Variants in ADGRL3 observed in about 807,000 individuals in gnomAD.
ADGRL3 encodes the protein adhesion G protein-coupled receptor L3, also known as calcium-independent alpha-latrotoxin receptor 3.
ADGRL3 carries 62 observed loss-of-function variants against 153.5 expected under a neutral mutation model. The ratio of observed to expected loss-of-function variants is 0.40; its 90% CI spans 0.33 to 0.50. The LOEUF is 0.50. Among genes scored for constraint, ADGRL3 ranks in the 20% least tolerant of loss-of-function variants. The probability of loss-of-function intolerance (pLI) is 0.47; values close to 1 mark genes in which losing one functional copy is unlikely to be tolerated. For missense variants in ADGRL3, 1,641 were observed against 1,859.4 expected (o/e 0.88, Z 2.16); for synonymous variants, 710 against 672.5 (o/e 1.06, Z -0.86).
intron 17 of ADGRL3, among the ~76,000 whole-genome samples, chr4:61,962,738 A>C (rs1379724174): frequency 6.6e-6 from 1 of 152,302 alleles, no homozygotes; most frequent in Admixed American, 6.5e-5. Context: ...AAAAAGTTAC[A>C]TTGTACAGAA....
At chr4:61,711,461 TATATA>T (rs2095983543) in intron 6 of ADGRL3, among the ~76,000 whole-genome samples, 6 of 70,118 alleles carry the variant, frequency 8.6e-5, no homozygotes, top group Admixed American at 2.7e-4. Flanking sequence ...TGCTTCATTA[TATATA>T]TATATATATA....
intron 21 of ADGRL3, among the ~76,000 whole-genome samples, chr4:62,005,936 A>G (rs2099155768): frequency 7.2e-6 from 1 of 139,034 alleles, no homozygotes; most frequent in Non-Finnish European, 1.5e-5. Context: ...TTTTTATTTT[A>G]TTTATATATA....
In ADGRL3 at chr4:61,200,674, C is replaced by A. The variant is rs1734374949; in HGVS notation, c.-1331C>A. Among the ~76,000 whole-genome samples, 1 of 152,014 alleles carries A rather than the reference C, an allele frequency of 6.6e-6. No homozygotes were observed. Among genetic ancestry groups the A allele is most frequent in the South Asian group, 2.1e-4 (1 of 4,820 alleles). The stretch of plus-strand genomic sequence containing the variant: ...CGGGTGTGCGCGCGCGCGGGTTGCA[C>A]GGTTTGCTTTGGCAGGAGCTCGCTC... On this transcript the variant is annotated 5_prime_UTR_variant, in exon 1 of 27. Coordinates refer to ENST00000683033, the MANE Select transcript of ADGRL3 (RefSeq NM_001387552.1).
chr4:61,740,021 A>G (rs2096564449), intron 8 of ADGRL3, among the ~76,000 whole-genome samples: 1 of 152,176 alleles, frequency 6.6e-6, no homozygotes. Flanking sequence ...TTGAAAATAC[A>G]TTTTGTCTAA....
chr4:61,755,533 G>A (rs1275508310), intron 8 of ADGRL3, among the ~76,000 whole-genome samples: 1 of 152,108 alleles, frequency 6.6e-6, no homozygotes, highest in Non-Finnish European at 1.5e-5. Flanking sequence ...TTTGTCAGAT[G>A]AGTAGATTGC....
rs188154086 is a variant in ADGRL3, at chr4:61,550,970, C to T, written c.259+33452C>T. On this transcript the variant is annotated intron_variant, in intron 4 of 26. Coordinates refer to ENST00000683033, the MANE Select transcript of ADGRL3 (RefSeq NM_001387552.1). ...TAAGTTAAGCTGGCCACAGGGCCCG[C>T]CTTACTGTTCTCTGTCAGCTTGTAT... 2.6e-4 allele frequency among the ~76,000 whole-genome samples: 40 copies of T among 152,178 alleles called. No homozygotes were observed. In the East Asian group the frequency reaches 7.3e-3, roughly 28 times the overall value.
At chr4:61,967,403 TA>T (rs2099010910) in intron 17 of ADGRL3, among the ~76,000 whole-genome samples, 1 of 152,146 alleles carries the variant, frequency 6.6e-6, no homozygotes, top group Non-Finnish European at 1.5e-5. Flanking sequence ...CAGTCAAAAG[TA>T]AAATTTACTT....
chr4:61,434,076 G>C (rs537181114), intron 2 of ADGRL3, among the ~76,000 whole-genome samples: 1 of 152,154 alleles, frequency 6.6e-6, no homozygotes, highest in East Asian at 1.9e-4. Context: ...TCCTTCACTG[G>C]AATGTAAAAT....
intron 6 of ADGRL3, among the ~76,000 whole-genome samples, chr4:61,682,157 A>C (rs2095350374): frequency 6.6e-6 from 1 of 152,104 alleles, no homozygotes; most frequent in East Asian, 1.9e-4. Flanking sequence ...GCAATCCTCA[A>C]GAATGATACC....
At chr4:61,312,948 T>A (rs1248403550) in intron 1 of ADGRL3, among the ~76,000 whole-genome samples, 1 of 152,188 alleles carries the variant, frequency 6.6e-6, no homozygotes, top group Non-Finnish European at 1.5e-5. Flanking sequence ...TCATTCTTAA[T>A]TGCCAAAACT....
At chr4:62,023,037 GAA>G (rs2099245343) in intron 21 of ADGRL3, among the ~76,000 whole-genome samples, 1 of 4,166 alleles carries the variant, frequency 2.4e-4, no homozygotes, top group African/African-American at 2.8e-4. Flanking sequence ...AAACTAAATT[GAA>G]AATTGAAAAC....
At chr4:61,273,289 C>T (rs1043872348) in intron 1 of ADGRL3, among the ~76,000 whole-genome samples, 6 of 152,164 alleles carry the variant, frequency 3.9e-5, no homozygotes, top group South Asian at 2.1e-4. Context: ...TCCCTAAGTA[C>T]GGTATTTGAA....
chr4:61,921,813 C>G (rs1190195411), intron 13 of ADGRL3, among the ~76,000 whole-genome samples: 2 of 152,148 alleles, frequency 1.3e-5, no homozygotes, highest in African/African-American at 4.8e-5. Flanking sequence ...CAGTGTTGTT[C>G]TCCTTGCTTA....
chr4:61,299,671 T>A (rs1178741160), intron 1 of ADGRL3, among the ~76,000 whole-genome samples: 1 of 152,204 alleles, frequency 6.6e-6, no homozygotes, highest in East Asian at 1.9e-4. Context: ...AAGACGTTTA[T>A]GTCACATGAC....
chr4:61,646,661 GAAC>G (rs1271047983), intron 5 of ADGRL3, among the ~76,000 whole-genome samples: 1 of 152,056 alleles, frequency 6.6e-6, no homozygotes, highest in Non-Finnish European at 1.5e-5. Flanking sequence ...CGTGCTGGGA[GAAC>G]CACTGCCCTC....
chr4:61,780,032 A>G (rs1168559796), intron 8 of ADGRL3, among the ~76,000 whole-genome samples: 1 of 152,144 alleles, frequency 6.6e-6, no homozygotes, highest in Non-Finnish European at 1.5e-5. Context: ...CCTGTTCTCG[A>G]CTTCCTAACA....
At chr4:62,056,413 T>C (rs992979614) in intron 25 of ADGRL3, among the ~76,000 whole-genome samples, 2 of 152,062 alleles carry the variant, frequency 1.3e-5, no homozygotes, top group South Asian at 2.1e-4. Flanking sequence ...ATAAAAGCCA[T>C]TGGAATCTTT....
chr4:61,392,026 A>ATTAATTTTTT (rs375220754), intron 2 of ADGRL3, among the ~76,000 whole-genome samples: 3 of 135,680 alleles, frequency 2.2e-5, no homozygotes, highest in African/African-American at 8.2e-5. Context: ...CGACCGGCTA[A>ATTAATTTTTT]TTTTTTTTTT....
At chr4:61,646,651 C>T (rs1177527462) in intron 5 of ADGRL3, among the ~76,000 whole-genome samples, 3 of 152,036 alleles carry the variant, frequency 2.0e-5, no homozygotes, top group Non-Finnish European at 4.4e-5. Flanking sequence ...TCTCCAGCTG[C>T]GTGCTGGGAG....
Sources: gnomAD v4.1 joint callset for allele counts (sites outside exome capture counted in the v4.1 genomes callset) on GRCh38, gnomAD v4.1.1 for gene constraint, MANE v1.5 for transcripts, NCBI Gene and HGNC (gene_info 2026-07-23, HGNC 2026-07-21) for gene names.